The following UNC5C variants were observed in gnomAD, a reference collection of about 807,000 sequenced individuals.
UNC5C encodes the protein unc-5 netrin receptor C.
A neutral mutation model predicts 99.8 loss-of-function variants in UNC5C; 47 were observed. The ratio of observed to expected loss-of-function variants is 0.47; its 90% CI spans 0.37 to 0.60. The LOEUF is 0.60. Ranked by LOEUF, UNC5C falls within the 20% of genes least tolerant of loss-of-function variation. The pLI, the probability that UNC5C is intolerant of heterozygous loss-of-function variation, is 0.00. For synonymous variants in UNC5C, 487 were observed against 452.2 expected (o/e 1.08, Z -0.98); for missense variants, 1,062 against 1,165.9 (o/e 0.91, Z 1.30).
rs576678420 is a variant in UNC5C, at chr4:95,333,179, T to C, written c.346+2231A>G. On this transcript the variant is annotated intron_variant, in intron 2 of 15. Transcript: ENST00000453304. ...TCAGTGTGGCGATTCCTCAGGGATC[T>C]AGAACTGGAAATACCATTTGACCCA... Among the ~76,000 whole-genome samples the C allele has an allele frequency of 2.2e-4, 33 of 152,272 alleles. No individual in the cohort carries two copies. In the East Asian group the frequency reaches 5.0e-3, roughly 23 times the overall value.
At chr4:95,229,021 A>G (rs1199534376) in intron 7 of UNC5C, among the ~76,000 whole-genome samples, 1 of 152,220 alleles carries the variant, frequency 6.6e-6, no homozygotes, top group Non-Finnish European at 1.5e-5. Flanking sequence ...ATAAAACCCT[A>G]TAAGTAAATA....
At chr4:95,206,856 C>CTT in intron 10 of UNC5C, 60 bp from the exon 11 acceptor site, 1 of 1,320,146 alleles carries the variant, frequency 7.6e-7, no homozygotes, top group Non-Finnish European at 9.9e-7. Flanking sequence ...GAACTATGCA[C>CTT]TTGGGTTCTG....
intron 1 of UNC5C, among the ~76,000 whole-genome samples, chr4:95,545,658 A>G (rs1723037802): frequency 1.3e-5 from 2 of 151,998 alleles, no homozygotes; most frequent in African/African-American, 2.4e-5. Flanking sequence ...TCATAACACT[A>G]GTTGGAGCTA....
intron 4 of UNC5C, among the ~76,000 whole-genome samples, chr4:95,267,008 G>A (rs1426138190): frequency 6.6e-6 from 1 of 152,150 alleles, no homozygotes; most frequent in Admixed American, 6.5e-5. Flanking sequence ...CAATGTTCTT[G>A]TATTTAGAGT....
At chr4:95,483,036 TAA>T (rs35446781) in intron 1 of UNC5C, among the ~76,000 whole-genome samples, 1,012 of 65,278 alleles carry the variant, frequency 0.016, 3 homozygotes, top group Middle Eastern at 0.02. Flanking sequence ...ATAATAATAA[TAA>T]TAATAAAAAC....
intron 4 of UNC5C, among the ~76,000 whole-genome samples, chr4:95,267,890 T>G (rs1026836470): frequency 6.6e-6 from 1 of 151,988 alleles, no homozygotes; most frequent in African/African-American, 2.4e-5. Flanking sequence ...AATTATAATC[T>G]GATTCTGATT....
At chr4:95,204,515 T>C (rs1030045872) in intron 11 of UNC5C, among the ~76,000 whole-genome samples, 9 of 152,236 alleles carry the variant, frequency 5.9e-5, no homozygotes, top group African/African-American at 2.2e-4. Context: ...GCAGGCCAAG[T>C]ATGGACAAAG....
chr4:95,406,067 G>T (rs1183778225), intron 1 of UNC5C, among the ~76,000 whole-genome samples: 1 of 152,072 alleles, frequency 6.6e-6, no homozygotes, highest in Admixed American at 6.6e-5. Context: ...CAAATGTTAG[G>T]AGTTTTCCGT....
intron 1 of UNC5C, among the ~76,000 whole-genome samples, chr4:95,364,463 T>TATTTTATCCTAG (rs1220430572): frequency 6.6e-6 from 1 of 152,206 alleles, no homozygotes; most frequent in Non-Finnish European, 1.5e-5. Flanking sequence ...AAATGACTGA[T>TATTTTATCCTAG]ATTTTATCCT....
intron 4 of UNC5C, among the ~76,000 whole-genome samples, chr4:95,252,592 C>G (rs557464817): frequency 1.3e-5 from 2 of 152,282 alleles, no homozygotes; most frequent in African/African-American, 4.8e-5. Context: ...AGGGATGAGG[C>G]TGCAGCTACA....
intron 4 of UNC5C, among the ~76,000 whole-genome samples, chr4:95,267,544 C>T (rs1740493449): frequency 6.6e-6 from 1 of 152,122 alleles, no homozygotes; most frequent in South Asian, 2.1e-4. Context: ...TATCATTAAG[C>T]ATTTAGGAAT....
intron 3 of UNC5C, among the ~76,000 whole-genome samples, chr4:95,290,776 C>T (rs896525384): frequency 6.6e-6 from 1 of 152,074 alleles, no homozygotes; most frequent in Non-Finnish European, 1.5e-5. Context: ...GTTTTATAAC[C>T]GCATTTTGCT....
intron 1 of UNC5C, among the ~76,000 whole-genome samples, chr4:95,418,706 T>C (rs1449895960): frequency 1.3e-5 from 2 of 152,192 alleles, no homozygotes; most frequent in Non-Finnish European, 2.9e-5. Flanking sequence ...TGTTATCAAA[T>C]ACCTCTAGCC....
chr4:95,172,648 T>C (rs1374769145), intron 14 of UNC5C, among the ~76,000 whole-genome samples: 1 of 151,922 alleles, frequency 6.6e-6, no homozygotes, highest in African/African-American at 2.4e-5. Flanking sequence ...TGTAGCCTTG[T>C]AGTATAGTTT....
intron 1 of UNC5C, among the ~76,000 whole-genome samples, chr4:95,542,973 G>A (rs1425297018): frequency 7.9e-5 from 12 of 151,860 alleles, no homozygotes; most frequent in Admixed American, 7.9e-4. Flanking sequence ...TAGAAAAAAG[G>A]GAAACACTAG....
intron 1 of UNC5C, among the ~76,000 whole-genome samples, chr4:95,510,650 G>A (rs1206062824): frequency 6.6e-6 from 1 of 152,032 alleles, no homozygotes; most frequent in Non-Finnish European, 1.5e-5. Context: ...TAAGGGTAGT[G>A]TGCTGTAGAA....
rs1460520558 is a variant in UNC5C, at chr4:95,168,361, TAACA to T, written c.*869_*872del. ...ACAGGTCTAGTCAATAACCAAATAC[TAACA>T]AACAGCACTGCTAACAAAAATAGAA... On this transcript the variant is annotated 3_prime_UTR_variant, in exon 16 of 16. Coordinates refer to ENST00000453304, the MANE Select transcript of UNC5C (RefSeq NM_003728.4). The T allele has an allele frequency of 6.6e-6, 1 of 152,004 alleles. No homozygotes were observed. The highest frequency in any genetic ancestry group is 1.5e-5 in the Non-Finnish European group (1 of 67,998). 9.4% of individuals were successfully genotyped at this position (152,004 alleles called of 1,614,324 possible). A position where few individuals can be genotyped will look rare whatever the true frequency, so the allele number is the denominator to read the frequency against.
At chr4:95,436,091 T>A (rs1416136793) in intron 1 of UNC5C, among the ~76,000 whole-genome samples, 1 of 151,944 alleles carries the variant, frequency 6.6e-6, no homozygotes, top group East Asian at 1.9e-4. Context: ...TGCAAATTTA[T>A]ATTAAAATAA....
chr4:95,427,510 A>T (rs1254013178), intron 1 of UNC5C, among the ~76,000 whole-genome samples: 2 of 152,198 alleles, frequency 1.3e-5, no homozygotes, highest in African/African-American at 2.4e-5. Flanking sequence ...CCCAGTCTTC[A>T]ACAACCTCCA....
Sources: gnomAD v4.1 joint callset for allele counts (sites outside exome capture counted in the v4.1 genomes callset) on GRCh38, gnomAD v4.1.1 for gene constraint, MANE v1.5 for transcripts, NCBI Gene and HGNC (gene_info 2026-07-23, HGNC 2026-07-21) for gene names.